The following CCSER1 variants were observed in gnomAD, a reference collection of about 807,000 sequenced individuals.
CCSER1 encodes coiled-coil serine rich protein 1.
A neutral mutation model predicts 82.0 loss-of-function variants in CCSER1; 41 were observed. The observed-to-expected ratio is 0.50, with a 90% confidence interval of 0.39 to 0.65. The LOEUF (loss-of-function observed/expected upper bound fraction) is 0.65, where lower values mean the gene tolerates loss of function less well. Ranked by LOEUF, CCSER1 falls within the 30% of genes least tolerant of loss-of-function variation. The pLI, the probability that CCSER1 is intolerant of heterozygous loss-of-function variation, is 0.00. For missense variants in CCSER1, 1,119 were observed against 1,064.2 expected (o/e 1.05, Z -0.72); for synonymous variants, 414 against 383.9 (o/e 1.08, Z -0.92).
intron 6 of CCSER1, among the ~76,000 whole-genome samples, chr4:90,696,395 G>A (rs931102408): frequency 1.6e-5 from 2 of 127,336 alleles, no homozygotes; most frequent in East Asian, 4.5e-4. Context: ...TGAGAAACTG[G>A]TAATTTTTTT....
At chr4:90,483,007 A>G (rs937479123) in intron 5 of CCSER1, among the ~76,000 whole-genome samples, 4 of 152,194 alleles carry the variant, frequency 2.6e-5, no homozygotes, top group African/African-American at 9.7e-5. Flanking sequence ...GTGGGAGTCT[A>G]AGTCACTTTG....
At chr4:90,245,452 G>A (rs1000138969) in intron 1 of CCSER1, among the ~76,000 whole-genome samples, 6 of 152,036 alleles carry the variant, frequency 3.9e-5, no homozygotes, top group Admixed American at 6.6e-5. Context: ...CTTCTTATAA[G>A]TCACAGAGGT....
At chr4:91,246,841 C>CACACAA (rs1338169500) in intron 10 of CCSER1, among the ~76,000 whole-genome samples, 1 of 151,688 alleles carries the variant, frequency 6.6e-6, no homozygotes, top group Non-Finnish European at 1.5e-5. Context: ...CACACACACA[C>CACACAA]ACACACACAC....
At chr4:90,499,230 C>G (rs1769472745) in intron 5 of CCSER1, among the ~76,000 whole-genome samples, 1 of 151,962 alleles carries the variant, frequency 6.6e-6, no homozygotes, top group African/African-American at 2.4e-5. Flanking sequence ...TAATTTGGTA[C>G]TGTCTTTTAA....
intron 1 of CCSER1, among the ~76,000 whole-genome samples, chr4:90,157,401 C>T (rs566655956): frequency 2.6e-5 from 4 of 152,028 alleles, no homozygotes; most frequent in Non-Finnish European, 4.4e-5. Context: ...TCTGTATTTT[C>T]TGATTCTGAA....
intron 10 of CCSER1, among the ~76,000 whole-genome samples, chr4:91,588,555 T>A (rs1764120119): frequency 6.6e-6 from 1 of 150,720 alleles, no homozygotes; most frequent in African/African-American, 2.4e-5. Context: ...TTTCAAAAAA[T>A]TAGGTGGATA....
intron 3 of CCSER1, among the ~76,000 whole-genome samples, chr4:90,361,728 A>T (rs1324320272): frequency 6.6e-6 from 1 of 152,128 alleles, no homozygotes; most frequent in Non-Finnish European, 1.5e-5. Context: ...TTTTGCTGCC[A>T]TTTTTAAGTG....
At chr4:90,905,692 A>G (rs936720670) in intron 8 of CCSER1, among the ~76,000 whole-genome samples, 15 of 152,154 alleles carry the variant, frequency 9.9e-5, no homozygotes, top group Admixed American at 5.9e-4. Context: ...AGCGAGAACA[A>G]TGACCCTTTG....
chr4:91,180,673 G>T (rs1482977771), intron 10 of CCSER1, among the ~76,000 whole-genome samples: 6 of 152,086 alleles, frequency 3.9e-5, no homozygotes, highest in Non-Finnish European at 7.4e-5. Flanking sequence ...GCAGTATTAG[G>T]GTGTTAGTGT....
rs569437473 is a variant in CCSER1 at position 90,357,820 on chromosome 4, T to C, written c.1510-42216T>C. ...TCAATTCTAAAACTATCGTGTCAGC[T>C]TCTTTGCTAGCAAGAAGCAGTAAAA... On this transcript the variant is annotated intron_variant, in intron 3 of 10. Transcript: ENST00000509176. Among the ~76,000 whole-genome samples, 3 of 152,068 alleles carry C rather than the reference T, an allele frequency of 2.0e-5. No individual in the cohort carries two copies. The South Asian group carries it at 6.2e-4, about 31-fold the overall frequency.
At chr4:91,495,350 ATC>A (rs142279464) in intron 10 of CCSER1, among the ~76,000 whole-genome samples, 2,807 of 151,716 alleles carry the variant, frequency 0.019, 74 homozygotes, top group African/African-American at 0.061. Flanking sequence ...TAAAAGAATT[ATC>A]TCTGTTTTGG....
chr4:90,368,733 C>T, intron 3 of CCSER1, among the ~76,000 whole-genome samples: 1 of 151,756 alleles, frequency 6.6e-6, no homozygotes, highest in Non-Finnish European at 1.5e-5. Flanking sequence ...TTCCTTATCT[C>T]TGTTTTATTT....
Position 91,384,937 on chromosome 4 carries a change from C to T in CCSER1, c.2218-213635C>T, listed in dbSNP as rs547591938. Reference sequence around the variant, plus strand: ...AAAATCTCAAAAATTTGAAAATACACTGTTGGCAAGGCTGTGGGAAACAGT... The same window carrying T: ...AAAATCTCAAAAATTTGAAAATACATTGTTGGCAAGGCTGTGGGAAACAGT... On this transcript the variant is annotated intron_variant, in intron 10 of 10. Transcript: ENST00000509176. Among the ~76,000 whole-genome samples the T allele has an allele frequency of 2.6e-5, 4 of 152,130 alleles. No individual in the cohort carries two copies. The East Asian group carries it at 5.8e-4, about 22-fold the overall frequency.
intron 10 of CCSER1, among the ~76,000 whole-genome samples, chr4:91,192,137 T>C (rs1018376229): frequency 6.6e-5 from 10 of 152,156 alleles, no homozygotes; most frequent in African/African-American, 2.4e-4. Flanking sequence ...TGTGAGACAT[T>C]ATCTTTCTCT....
intron 10 of CCSER1, among the ~76,000 whole-genome samples, chr4:91,568,547 TTTTATTTTTG>T (rs985792381): frequency 7.2e-5 from 11 of 152,182 alleles, no homozygotes; most frequent in African/African-American, 2.4e-4. Flanking sequence ...GTTCATTCAT[TTTTATTTTTG>T]TTTATTTTTG....
chr4:90,957,562 T>TATATTATATATC, intron 9 of CCSER1, among the ~76,000 whole-genome samples: 1 of 133,162 alleles, frequency 7.5e-6, no homozygotes, highest in East Asian at 2.0e-4. Flanking sequence ...TTATATATAT[T>TATATTATATATC]ATATAATTAT....
intron 1 of CCSER1, among the ~76,000 whole-genome samples, chr4:90,189,984 A>G (rs1287070547): frequency 1.3e-5 from 2 of 152,000 alleles, no homozygotes; most frequent in South Asian, 2.1e-4. Context: ...TAGAATTAAT[A>G]TCTACTTGCA....
intron 3 of CCSER1, among the ~76,000 whole-genome samples, chr4:90,323,506 G>C (rs1192486508): frequency 6.6e-6 from 1 of 152,160 alleles, no homozygotes; most frequent in African/African-American, 2.4e-5. Flanking sequence ...TTGGTTCTGT[G>C]TTGTGTTCTC....
intron 9 of CCSER1, among the ~76,000 whole-genome samples, chr4:90,959,285 T>A (rs2150371386): frequency 6.6e-6 from 1 of 152,288 alleles, no homozygotes; most frequent in South Asian, 2.1e-4. Context: ...TATATTATAT[T>A]TCTATAATAC....
Sources: gnomAD v4.1 joint callset for allele counts (sites outside exome capture counted in the v4.1 genomes callset) on GRCh38, gnomAD v4.1.1 for gene constraint, MANE v1.5 for transcripts, NCBI Gene and HGNC (gene_info 2026-07-23, HGNC 2026-07-21) for gene names.